The following THOC5 variants were observed in gnomAD, a reference collection of about 807,000 sequenced individuals.
The protein encoded by THOC5 is THO complex subunit 5.
In THOC5, 43 loss-of-function variants were observed where a neutral mutation model predicts 92.9. That is an observed-to-expected ratio of 0.46 (90% CI 0.36 to 0.60). THOC5 has a LOEUF of 0.60. Among genes scored for constraint, THOC5 ranks in the 20% least tolerant of loss-of-function variants. The pLI is 0.00. For synonymous variants in THOC5, 296 were observed against 320.1 expected (o/e 0.92, Z 0.80); for missense variants, 659 against 849.4 (o/e 0.78, Z 2.79).
In THOC5 at chr22:29,528,548, G is replaced by A. The variant is rs1238123652; in HGVS notation, c.926-82C>T. ...GCACTCCAACCCACATGGCATAAAG[G>A]GGCCCTGACTCTGTCTTTTGTAAAT... On this transcript the variant is annotated intron_variant, in intron 9 of 19. Transcript: ENST00000490103. The A allele has an allele frequency of 1.1e-4, 156 of 1,395,026 alleles. 1 individual carries two copies. Among genetic ancestry groups the A allele is most frequent in the Non-Finnish European group, 1.5e-4 (146 of 992,184 alleles). 86.4% of individuals were successfully genotyped at this position (1,395,026 alleles called of 1,614,324 possible).
At chr22:29,552,964 T>C (rs978186202) in intron 1 of THOC5, among the ~76,000 whole-genome samples, 2 of 152,178 alleles carry the variant, frequency 1.3e-5, no homozygotes, top group African/African-American at 4.8e-5. Context: ...CTCTGAAACA[T>C]GTGCTGTGTC....
chr22:29,551,694 T>G (rs1423542311), intron 1 of THOC5, among the ~76,000 whole-genome samples: 4 of 151,878 alleles, frequency 2.6e-5, no homozygotes, highest in Non-Finnish European at 5.9e-5. Flanking sequence ...CAGGCTGCAG[T>G]GAGCTATGAT....
Position 29,549,144 on chromosome 22 carries a change from A to C in THOC5, c.4T>G (p.Ser2Ala), listed in dbSNP as rs1178604752. The change falls in exon 2 of 20, where the codon TCA (serine) becomes GCA (alanine). Residue 2 changes from serine to alanine, a missense_variant. By Grantham distance (99) the Ser-to-Ala change is moderately conservative. Transcript: ENST00000490103. MSSESSKKRKPK... is the reference protein window; with the variant it reads MASESSKKRKPK... Reference sequence around the variant, plus strand: ...TTCCGTTTTTTGCTCGATTCTGATGACATGGTTGTTCCTCCTGTTAAGAGG... The same window carrying C: ...TTCCGTTTTTTGCTCGATTCTGATGCCATGGTTGTTCCTCCTGTTAAGAGG... The C allele has an allele frequency of 1.2e-6, 2 of 1,614,160 alleles. No homozygotes were observed. The highest frequency in any genetic ancestry group is 3.3e-5 in the Admixed American group (2 of 60,022).
chr22:29,524,773 A>T (rs2063510354), intron 12 of THOC5, among the ~76,000 whole-genome samples: 1 of 152,116 alleles, frequency 6.6e-6, no homozygotes, highest in Non-Finnish European at 1.5e-5. Flanking sequence ...GCAGTCTAAA[A>T]CCCAAGAGAC....
rs1300625242 is a variant in THOC5 at position 29,525,807 on chromosome 22, C to A, written c.1175+31G>T. 9 of 1,573,678 alleles carry A rather than the reference C, an allele frequency of 5.7e-6. No individual in the cohort carries two copies. In the Admixed American group the frequency reaches 1.3e-4, roughly 23 times the overall value. On this transcript the variant is annotated intron_variant, in intron 12 of 19. Coordinates refer to ENST00000490103, the MANE Select transcript of THOC5 (RefSeq NM_003678.5). ...AGGCTCTCATCACCTCCCCATCCCG[C>A]ACGTCATTGCCCAGAGCGCCTGCTC...
At chr22:29,543,347 CAAAAAAAAAAAAAAA>C (rs59948387) in intron 4 of THOC5, 67 bp downstream of exon 4, 18 of 466,264 alleles carry the variant, frequency 3.9e-5, no homozygotes, top group Non-Finnish European at 5.8e-5. Context: ...GACTCTGTCT[CAAAAAAAAAAAAAAA>C]AAAAAAAAAA....
rs543805253 is a variant in THOC5 at position 29,508,338 on chromosome 22, G to A, written c.*119C>T. The stretch of plus-strand genomic sequence containing the variant: ...AGACAAAGGCCACTGGTCAGGTGAC[G>A]CTTTTTAATTGGCTGGTGTCTTTGG... On this transcript the variant is annotated 3_prime_UTR_variant, in exon 20 of 20. Transcript: ENST00000490103. 4.0e-5 allele frequency: 44 copies of A among 1,098,564 alleles called. No homozygotes were observed. In the African/African-American group the frequency reaches 5.8e-4, roughly 15 times the overall value. 68.1% of individuals were successfully genotyped at this position (1,098,564 alleles called of 1,614,324 possible).
chr22:29,532,038 C>T (rs753217134), intron 7 of THOC5, 75 bp from the exon 8 acceptor site: 282 of 1,528,262 alleles, frequency 1.8e-4, no homozygotes, highest in Non-Finnish European at 2.3e-4. Flanking sequence ...ACTTAGTGAC[C>T]GTAAATCATT....
At chr22:29,536,449 C>A (rs999458) in intron 7 of THOC5, 175 bp downstream of exon 7, 145,853 of 586,194 alleles carry the variant, frequency 0.25, 19,050 homozygotes, top group East Asian at 0.29. Context: ...GAGGCCAGCA[C>A]TTCTTCCTCC....
intron 1 of THOC5, among the ~76,000 whole-genome samples, chr22:29,551,292 G>A (rs536442475): frequency 1.3e-5 from 2 of 152,224 alleles, no homozygotes; most frequent in Non-Finnish European, 2.9e-5. Context: ...AAATTAGCCG[G>A]GAGTGGAGGC....
chr22:29,511,956 TCTGCCACGGCCAC>T, intron 18 of THOC5, 52 bp downstream of exon 18: 1 of 1,385,130 alleles, frequency 7.2e-7, no homozygotes, highest in South Asian at 1.2e-5. Context: ...TGCAGTGGGT[TCTGCCACGGCCAC>T]CTCCCCCGGG....
At chr22:29,525,055 T>C (rs1373601503) in intron 12 of THOC5, among the ~76,000 whole-genome samples, 1 of 152,072 alleles carries the variant, frequency 6.6e-6, no homozygotes. Context: ...GGAGGAGTGC[T>C]TGAGGCCAGG....
chr22:29,525,021 C>T (rs187250727), intron 12 of THOC5, among the ~76,000 whole-genome samples: 2 of 152,260 alleles, frequency 1.3e-5, no homozygotes, highest in East Asian at 1.9e-4. Flanking sequence ...GCCTGGAATT[C>T]CAGCACTGTG....
chr22:29,526,343 T>C (rs899390507), intron 11 of THOC5, among the ~76,000 whole-genome samples: 2 of 151,950 alleles, frequency 1.3e-5, no homozygotes, highest in Non-Finnish European at 2.9e-5. Flanking sequence ...CCATCCTGGC[T>C]AACACAGTGA....
In THOC5 at chr22:29,529,161, C is replaced by T; in HGVS notation, c.925+1G>A. ...GGGACGAATCCCAACCACCACATTA[C>T]CTTGGGAGTCCTCTGGAGGTTTGAA... On this transcript the variant is annotated splice_donor_variant, in intron 9 of 19. Coordinates refer to ENST00000490103, the MANE Select transcript of THOC5 (RefSeq NM_003678.5). LOFTEE classifies it high-confidence loss of function. 1 of 1,614,176 alleles carries T rather than the reference C, an allele frequency of 6.2e-7. No individual in the cohort carries two copies.
intron 13 of THOC5, among the ~76,000 whole-genome samples, chr22:29,520,380 T>C (rs1026552837): frequency 6.6e-6 from 1 of 152,270 alleles, no homozygotes; most frequent in Non-Finnish European, 1.5e-5. Context: ...CTAATGTCTT[T>C]ATTGGTCTAC....
Position 29,529,207 on chromosome 22 carries a change from C to T in THOC5, c.880G>A (p.Val294Met), listed in dbSNP as rs761426189. The T allele has an allele frequency of 6.2e-7, 1 of 1,614,238 alleles. No homozygotes were observed. Among genetic ancestry groups the T allele is most frequent in the Admixed American group, 1.7e-5 (1 of 60,024 alleles). Residue 294 changes from valine to methionine, a missense_variant, in exon 9 of 20, where the codon GTG becomes ATG. Val to Met is a conservative substitution (Grantham distance 21). Transcript: ENST00000490103. ...KTLSVAIEGSVDEAKALFKPP... is the reference protein window; with the variant it reads ...KTLSVAIEGSMDEAKALFKPP... ...TTGAACAGAGCCTTGGCTTCATCCA[C>T]ACTGCCTTCGATTGCCACAGATAAC...
At chr22:29,522,145 T>C (rs1428975212) in intron 12 of THOC5, among the ~76,000 whole-genome samples, 2 of 149,982 alleles carry the variant, frequency 1.3e-5, no homozygotes, top group Non-Finnish European at 3.0e-5. Flanking sequence ...GGTCAGGAGA[T>C]CGAGACCATC....
intron 17 of THOC5, among the ~76,000 whole-genome samples, chr22:29,516,157 A>AG (rs2063328792): frequency 6.6e-6 from 1 of 151,922 alleles, no homozygotes. Flanking sequence ...GAAAAAAAAA[A>AG]AAAAAAGGGT....
Sources: allele counts gnomAD v4.1 joint callset (sites outside exome capture counted in the v4.1 genomes callset), GRCh38; gene constraint gnomAD v4.1.1; transcripts MANE v1.5; gene names NCBI Gene and HGNC (gene_info 2026-07-23, HGNC 2026-07-21).